Variants in ZC3H12B observed in about 807,000 individuals in gnomAD.
ZC3H12B encodes the protein zinc finger CCCH-type containing 12B.
Under a neutral mutation model 43.9 loss-of-function variants are expected in ZC3H12B, and 7 were observed. The observed-to-expected ratio is 0.16, with a 90% CI of 0.09 to 0.30. The LOEUF is 0.30. Among genes scored for constraint, ZC3H12B ranks in the 10% least tolerant of loss-of-function variants. The probability of loss-of-function intolerance (pLI) is 1.00; values close to 1 mark genes in which losing one functional copy is unlikely to be tolerated. For synonymous variants in ZC3H12B, 222 were observed against 241.7 expected, an observed-to-expected ratio of 0.92 and a Z score of 0.76; for missense variants, 475 against 670.2, an observed-to-expected ratio of 0.71 and a Z score of 3.22.
At position 65,502,994 on chromosome X, in the gene ZC3H12B, G is replaced by A. The variant is rs770035868; in HGVS notation, c.2296G>A (p.Glu766Lys). ...GCCAGTCATGGTACGGAGCGTGCCT[G>A]AAAAGATGGAGCAGCTTTGGAGGAA... The change falls in exon 5 of 5, where the codon GAA becomes AAA. Residue 766 changes from glutamate to lysine, a missense_variant. Transcript: ENST00000338957. 5.8e-6 allele frequency: 7 copies of A among 1,209,516 alleles called. No homozygotes were observed. The Admixed American group carries it at 1.3e-4, about 23-fold the overall frequency.
chrX:65,337,953 T>C, the ZC3H12B span, among the ~76,000 whole-genome samples: 1 of 112,085 alleles, frequency 8.9e-6, no homozygotes, highest in Non-Finnish European at 1.9e-5. Context: ...AGACAGCAGA[T>C]GAATCAGTCT....
chrX:65,209,706 G>A, the ZC3H12B span, among the ~76,000 whole-genome samples: 2 of 109,438 alleles, frequency 1.8e-5, no homozygotes, highest in African/African-American at 3.3e-5. Context: ...CATGGTACTG[G>A]TACCAAAACA....
intron 3 of ZC3H12B, among the ~76,000 whole-genome samples, chrX:65,462,265 C>T (rs2067760595): frequency 9.0e-6 from 1 of 111,232 alleles, no homozygotes; most frequent in South Asian, 3.8e-4. Flanking sequence ...AATCCCAGCA[C>T]TTTGGGAGGC....
At chrX:65,056,846 G>T in the ZC3H12B span, among the ~76,000 whole-genome samples, 4 of 111,279 alleles carry the variant, frequency 3.6e-5, no homozygotes, top group African/African-American at 9.8e-5. Context: ...ATTATGTAAT[G>T]GCCTTGTCTC....
chrX:65,103,388 A>G, the ZC3H12B span, among the ~76,000 whole-genome samples: 18 of 111,849 alleles, frequency 1.6e-4, no homozygotes, highest in Non-Finnish European at 2.8e-4. Context: ...CATTACTGTT[A>G]TCCTGTTCTT....
intron 3 of ZC3H12B, among the ~76,000 whole-genome samples, chrX:65,456,574 G>T (rs752297051): frequency 1.9e-5 from 2 of 104,445 alleles, no homozygotes; most frequent in Non-Finnish European, 3.9e-5. Flanking sequence ...GAGTGCCTGC[G>T]ATTGCAGGCG....
intron 3 of ZC3H12B, among the ~76,000 whole-genome samples, chrX:65,464,606 A>G (rs2067794390): frequency 9.1e-6 from 1 of 110,001 alleles, no homozygotes; most frequent in Admixed American, 9.7e-5. Context: ...TATTATATGT[A>G]TTTATTTATG....
chrX:65,117,059 C>A, the ZC3H12B span, among the ~76,000 whole-genome samples: 1 of 111,833 alleles, frequency 8.9e-6, no homozygotes, highest in Non-Finnish European at 1.9e-5. Flanking sequence ...ATTTGGAATC[C>A]TTTGGGTATA....
At chrX:65,385,820 T>A (rs1406779874) in intron 2 of ZC3H12B, among the ~76,000 whole-genome samples, 1 of 112,283 alleles carries the variant, frequency 8.9e-6, no homozygotes, top group Non-Finnish European at 1.9e-5. Context: ...CTATGTCCCA[T>A]CAATACCTAA....
At chrX:65,454,300 C>T (rs138290080) in intron 3 of ZC3H12B, among the ~76,000 whole-genome samples, 1,191 of 112,353 alleles carry the variant, frequency 0.011, 15 homozygotes, top group African/African-American at 0.035. Flanking sequence ...GCTTTTCCGA[C>T]GGTCTTAGCA....
At chrX:65,361,490 C>A in the ZC3H12B span, among the ~76,000 whole-genome samples, 4 of 112,273 alleles carry the variant, frequency 3.6e-5, no homozygotes, top group Non-Finnish European at 5.6e-5. Context: ...AATATAATTA[C>A]AAATAACACA....
chrX:65,467,724 T>C (rs1266689151), intron 3 of ZC3H12B, among the ~76,000 whole-genome samples: 1 of 112,459 alleles, frequency 8.9e-6, no homozygotes, highest in Non-Finnish European at 1.9e-5. Flanking sequence ...TTTTTTCATA[T>C]GTTTGTTGGC....
At chrX:65,474,908 C>T (rs1009337740) in intron 3 of ZC3H12B, among the ~76,000 whole-genome samples, 3 of 112,545 alleles carry the variant, frequency 2.7e-5, no homozygotes, top group Non-Finnish European at 5.6e-5. Context: ...CACCCAGCCT[C>T]TTCCTTTGCT....
At chrX:65,145,310 C>G in the ZC3H12B span, among the ~76,000 whole-genome samples, 583 of 108,269 alleles carry the variant, frequency 5.4e-3, 18 homozygotes, top group Admixed American at 0.05. Context: ...TTTTGATGTC[C>G]TCTTGCATGA....
intron 3 of ZC3H12B, among the ~76,000 whole-genome samples, chrX:65,443,472 C>CA (rs1353331388): frequency 1.3e-4 from 15 of 111,909 alleles, no homozygotes; most frequent in Non-Finnish European, 2.8e-4. Flanking sequence ...TCACAGCCTT[C>CA]AGAGCTGAGA....
chrX:65,295,649 G>T, the ZC3H12B span, among the ~76,000 whole-genome samples: 1 of 111,249 alleles, frequency 9.0e-6, no homozygotes, highest in Middle Eastern at 4.2e-3. Flanking sequence ...AAAATTAGGA[G>T]AATATTAGTG....
At chrX:65,096,573 G>T in the ZC3H12B span, among the ~76,000 whole-genome samples, 16 of 111,498 alleles carry the variant, frequency 1.4e-4, no homozygotes, top group East Asian at 4.5e-3. Context: ...TTCTGAGCTT[G>T]AGGATATATC....
chrX:65,338,142 G>A, the ZC3H12B span, among the ~76,000 whole-genome samples: 1 of 111,411 alleles, frequency 9.0e-6, no homozygotes, highest in African/African-American at 3.3e-5. Flanking sequence ...GTAGTTAAGT[G>A]TTATTTTTTT....
the ZC3H12B span, among the ~76,000 whole-genome samples, chrX:65,218,772 G>T: frequency 1.8e-5 from 2 of 111,346 alleles, no homozygotes; most frequent in Non-Finnish European, 3.8e-5. Context: ...TCTCTTGGGA[G>T]CTCTATGGCC....
Sources: allele counts gnomAD v4.1 joint callset (sites outside exome capture counted in the v4.1 genomes callset), GRCh38; gene constraint gnomAD v4.1.1; transcripts MANE v1.5; gene names NCBI Gene and HGNC (gene_info 2026-07-23, HGNC 2026-07-21).